Variants in NIM1K observed in about 807,000 individuals in gnomAD.
NIM1K encodes NIM1 serine/threonine protein kinase, also known as serine/threonine-protein kinase NIM1.
NIM1K carries 35 observed loss-of-function variants against 37.1 expected under a neutral mutation model. The observed-to-expected ratio is 0.94, with a 90% CI of 0.72 to 1.25. The LOEUF is 1.25. Ranked by LOEUF, NIM1K falls within the 50% of genes most tolerant of loss-of-function variation. The pLI, the probability that NIM1K is intolerant of heterozygous loss-of-function variation, is 0.00. For missense variants in NIM1K, 564 were observed against 548.0 expected (o/e 1.03, Z -0.29); for synonymous variants, 234 against 206.6 (o/e 1.13, Z -1.14).
intron 1 of NIM1K, among the ~76,000 whole-genome samples, chr5:43,231,344 C>T (rs1486512051): frequency 4.6e-5 from 7 of 152,050 alleles, no homozygotes; most frequent in African/African-American, 1.7e-4. Context: ...ATCTATATAT[C>T]TATATTTATA....
At chr5:43,260,774 C>A (rs1326383260) in intron 2 of NIM1K, among the ~76,000 whole-genome samples, 1 of 151,952 alleles carries the variant, frequency 6.6e-6, no homozygotes, top group African/African-American at 2.4e-5. Flanking sequence ...CCCCACCCGA[C>A]GACAGGCCCG....
intron 1 of NIM1K, chr5:43,233,012 C>G: frequency 8.3e-7 from 1 of 1,208,520 alleles, no homozygotes; most frequent in Non-Finnish European, 1.2e-6. Context: ...GAGCCCGTCT[C>G]ACTGAAGAAG....
At position 43,280,000 on chromosome 5, in the gene NIM1K, T is replaced by C. The variant is rs758108581; in HGVS notation, c.582T>C (p.His194=). ...VKHMHENQII[H]RDLKAENVFY... is the part of the protein sequence containing the mutation. ...CACAGCATGAAAACCAAATTATTCA[T>C]AGAGATCTGAAAGCAGAAAATGTAT... Residue 194 remains histidine, a synonymous_variant, in exon 4 of 4, where the codon CAT becomes CAC. Transcript: ENST00000326035. The C allele has an allele frequency of 5.0e-6, 8 of 1,610,610 alleles. No individual in the cohort carries two copies. The highest frequency in any genetic ancestry group is 3.3e-4 in the Middle Eastern group (2 of 6,048).
intron 1 of NIM1K, among the ~76,000 whole-genome samples, chr5:43,205,472 T>A (rs77388606): frequency 6.6e-6 from 1 of 152,038 alleles, no homozygotes; most frequent in African/African-American, 2.4e-5. Context: ...GCTACTTCCA[T>A]CTGGGTGTGA....
intron 1 of NIM1K, chr5:43,232,334 T>A (rs936475642): frequency 1.0e-5 from 13 of 1,304,358 alleles, no homozygotes; most frequent in Non-Finnish European, 1.4e-5. Flanking sequence ...CATGGTAGGC[T>A]TTCTCAGCAG....
At chr5:43,201,011 G>C (rs1752011388) in intron 1 of NIM1K, among the ~76,000 whole-genome samples, 1 of 151,560 alleles carries the variant, frequency 6.6e-6, no homozygotes, top group Non-Finnish European at 1.5e-5. Flanking sequence ...TGTAATCCCA[G>C]CTACTTCAGA....
At chr5:43,233,249 G>A in intron 1 of NIM1K, 1 of 663,404 alleles carries the variant, frequency 1.5e-6, no homozygotes. Context: ...CGACTCTTAG[G>A]TGATTGATAT....
Position 43,246,024 on chromosome 5 carries a change from A to G in NIM1K, c.249A>G (p.Gly83=). The G allele has an allele frequency of 6.2e-7, 1 of 1,614,012 alleles. No individual in the cohort carries two copies. Among genetic ancestry groups the G allele is most frequent in the Non-Finnish European group, 8.5e-7 (1 of 1,179,900 alleles). The change falls in exon 2 of 4, where the codon GGA becomes GGG. Residue 83 remains glycine, a synonymous_variant. Transcript: ENST00000326035. ...GAATTCGAGGGGAAATCGGAAGTGG[A>G]AACTTCTCCCAAGTGAAGCTTGGGA... ...FYRIRGEIGS[G]NFSQVKLGIH...
intron 1 of NIM1K, among the ~76,000 whole-genome samples, chr5:43,206,004 G>C (rs568897786): frequency 6.6e-6 from 1 of 151,990 alleles, no homozygotes; most frequent in Non-Finnish European, 1.5e-5. Flanking sequence ...GAGCTTCCGC[G>C]CCCGGCCTGC....
At position 43,277,241 on chromosome 5, in the gene NIM1K, C is replaced by G. The variant is rs56333726; in HGVS notation, c.477C>G (p.Phe159Leu). 1.9e-6 allele frequency: 3 copies of G among 1,613,894 alleles called. No individual in the cohort carries two copies. The highest frequency in any genetic ancestry group is 2.5e-6 in the Non-Finnish European group (3 of 1,179,982). The change falls in exon 3 of 4, where the codon TTC becomes TTG. Residue 159 changes from phenylalanine to leucine, a missense_variant. Coordinates refer to ENST00000326035, the MANE Select transcript of NIM1K (RefSeq NM_153361.4). ...AGTATGCAGGGGGTGGGGAGCTCTT[C>G]GGAAAAATTAGCACTGAGGGGAAGC... ...VMEYAGGGEL[F>L]GKISTEGKLS...
rs984397205 is a variant in NIM1K, at chr5:43,273,135, C to T, written c.293-3922C>T. 3.3e-5 allele frequency among the ~76,000 whole-genome samples: 5 copies of T among 152,138 alleles called. No individual in the cohort carries two copies. The East Asian group carries it at 5.8e-4, about 18-fold the overall frequency. ...TTCTCTGGGGTTTCTATCATCCCCTCCTAGACTCCCACTTGCTCCCAGGCT... is the reference window on the plus strand; with the variant it reads ...TTCTCTGGGGTTTCTATCATCCCCTTCTAGACTCCCACTTGCTCCCAGGCT... On this transcript the variant is annotated intron_variant, in intron 2 of 3. Coordinates refer to ENST00000326035, the MANE Select transcript of NIM1K (RefSeq NM_153361.4).
At chr5:43,230,462 A>G (rs1477665485) in intron 1 of NIM1K, among the ~76,000 whole-genome samples, 1 of 152,150 alleles carries the variant, frequency 6.6e-6, no homozygotes, top group Non-Finnish European at 1.5e-5. Context: ...ACTCAGATAC[A>G]TGGCCAAACT....
At chr5:43,246,562 C>A (rs1441184269) in intron 2 of NIM1K, among the ~76,000 whole-genome samples, 1 of 151,782 alleles carries the variant, frequency 6.6e-6, no homozygotes, top group African/African-American at 2.4e-5. Flanking sequence ...CCCCGATGGG[C>A]GCTGTCTCTG....
chr5:43,262,943 G>T (rs993120709), intron 2 of NIM1K, among the ~76,000 whole-genome samples: 1 of 152,148 alleles, frequency 6.6e-6, no homozygotes, highest in African/African-American at 2.4e-5. Context: ...AATGAGCCTT[G>T]CACCCTAGGG....
intron 1 of NIM1K, among the ~76,000 whole-genome samples, chr5:43,243,367 C>T (rs748207718): frequency 3.9e-5 from 6 of 152,058 alleles, no homozygotes; most frequent in Non-Finnish European, 5.9e-5. Context: ...AGATCTAGTG[C>T]CACTTGACCT....
At chr5:43,274,409 G>A (rs1480826006) in intron 2 of NIM1K, among the ~76,000 whole-genome samples, 4 of 152,116 alleles carry the variant, frequency 2.6e-5, no homozygotes, top group Non-Finnish European at 5.9e-5. Flanking sequence ...TGGGAGAACT[G>A]AGGAGAAGCA....
intron 1 of NIM1K, chr5:43,206,653 C>A: frequency 2.9e-6 from 2 of 681,638 alleles, no homozygotes; most frequent in Admixed American, 2.0e-5. Context: ...CAGCCTGACT[C>A]GGCCCCCCAG....
intron 2 of NIM1K, among the ~76,000 whole-genome samples, chr5:43,276,543 G>A (rs927426722): frequency 2.6e-5 from 4 of 152,244 alleles, no homozygotes; most frequent in Admixed American, 2.0e-4. Flanking sequence ...TTTGGGTGGG[G>A]ACAAATGTCC....
chr5:43,206,982 C>T (rs1398841942), intron 1 of NIM1K: 19 of 757,840 alleles, frequency 2.5e-5, no homozygotes, highest in Middle Eastern at 3.7e-4. Flanking sequence ...TTGAACAAAG[C>T]GGAATTGAGT....
Sources: allele counts gnomAD v4.1 joint callset (sites outside exome capture counted in the v4.1 genomes callset), GRCh38; gene constraint gnomAD v4.1.1; transcripts MANE v1.5; gene names NCBI Gene and HGNC (gene_info 2026-07-23, HGNC 2026-07-21).